UBAC2: variants seen among roughly 807,000 people sequenced by gnomAD.
UBAC2 encodes the protein UBA domain containing 2, also known as ubiquitin-associated domain-containing protein 2.
Under a neutral mutation model 44.0 loss-of-function variants are expected in UBAC2, and 26 were observed. The ratio of observed to expected loss-of-function variants is 0.59; its 90% confidence interval spans 0.43 to 0.82. The LOEUF (loss-of-function observed/expected upper bound fraction) is 0.82. Ranked by LOEUF, UBAC2 falls within the 40% of genes least tolerant of loss-of-function variation. The pLI is 0.00. For synonymous variants in UBAC2, 155 were observed against 154.3 expected (o/e 1.00, Z -0.04); for missense variants, 329 against 419.4 (o/e 0.78, Z 1.88).
chr13:99,375,510 C>T (rs1248579327), intron 8 of UBAC2, among the ~76,000 whole-genome samples: 1 of 152,076 alleles, frequency 6.6e-6, no homozygotes, highest in Non-Finnish European at 1.5e-5. Flanking sequence ...AGTGTGAGCT[C>T]AGGATCGGGT....
intron 8 of UBAC2, among the ~76,000 whole-genome samples, chr13:99,369,707 G>A (rs1056328906): frequency 6.6e-6 from 1 of 152,092 alleles, no homozygotes; most frequent in African/African-American, 2.4e-5. Flanking sequence ...TAATTATAAA[G>A]GAAAACCGTA....
chr13:99,321,282 C>G (rs762469386), intron 6 of UBAC2, among the ~76,000 whole-genome samples: 4 of 152,164 alleles, frequency 2.6e-5, no homozygotes, highest in Non-Finnish European at 4.4e-5. Context: ...TTTTATTTAG[C>G]TAGGTACTGG....
intron 4 of UBAC2, among the ~76,000 whole-genome samples, chr13:99,283,999 C>T (rs2043987501): frequency 6.6e-6 from 1 of 152,168 alleles, no homozygotes; most frequent in African/African-American, 2.4e-5. Flanking sequence ...TCCCAAAGTG[C>T]TGGGATAACA....
intron 4 of UBAC2, among the ~76,000 whole-genome samples, chr13:99,287,399 T>G (rs2044031359): frequency 6.6e-6 from 1 of 152,128 alleles, no homozygotes; most frequent in African/African-American, 2.4e-5. Flanking sequence ...GGGTCTGTTT[T>G]GATAATGTCG....
chr13:99,351,880 C>A (rs1293242860), intron 7 of UBAC2: 6 of 403,274 alleles, frequency 1.5e-5, no homozygotes, highest in Non-Finnish European at 2.5e-5. Flanking sequence ...TGTGTTTTGC[C>A]TGCAAGGAAA....
At chr13:99,352,915 G>A (rs9300539) in intron 7 of UBAC2, among the ~76,000 whole-genome samples, 3 of 152,108 alleles carry the variant, frequency 2.0e-5, no homozygotes, top group Non-Finnish European at 2.9e-5. Flanking sequence ...GGCAGTGCAC[G>A]TGTGTTGCAA....
intron 8 of UBAC2, among the ~76,000 whole-genome samples, chr13:99,372,988 C>T (rs920454987): frequency 1.4e-4 from 22 of 152,020 alleles, no homozygotes; most frequent in East Asian, 7.7e-4. Context: ...GGCATGGTGA[C>T]GGGCGCCTGT....
intron 4 of UBAC2, among the ~76,000 whole-genome samples, chr13:99,280,061 A>G (rs1483905377): frequency 6.6e-6 from 1 of 152,164 alleles, no homozygotes; most frequent in East Asian, 1.9e-4. Context: ...GGTTTGGACT[A>G]TTGCTGTAGC....
chr13:99,340,272 T>A (rs753489347), intron 6 of UBAC2, 48 bp from the exon 7 acceptor site: 21 of 1,596,878 alleles, frequency 1.3e-5, no homozygotes, highest in South Asian at 3.4e-5. Context: ...GTACATTTTT[T>A]AAAATAATAC....
intron 1 of UBAC2, among the ~76,000 whole-genome samples, chr13:99,206,189 G>A (rs138930528): frequency 1.0e-3 from 155 of 152,254 alleles, no homozygotes; most frequent in Non-Finnish European, 1.9e-3. Context: ...AGAGGTACTC[G>A]GGACACTTGG....
At chr13:99,341,107 A>G (rs1473875924) in intron 7 of UBAC2, among the ~76,000 whole-genome samples, 1 of 152,204 alleles carries the variant, frequency 6.6e-6, no homozygotes, top group East Asian at 1.9e-4. Flanking sequence ...GCATCCAAAC[A>G]ATCTGATACT....
At chr13:99,212,738 A>T (rs1295894541) in intron 1 of UBAC2, among the ~76,000 whole-genome samples, 2 of 152,112 alleles carry the variant, frequency 1.3e-5, no homozygotes, top group African/African-American at 2.4e-5. Flanking sequence ...TCTTGTATAA[A>T]TTTTTTTCTC....
At chr13:99,335,970 A>G (rs962045063) in intron 6 of UBAC2, among the ~76,000 whole-genome samples, 5 of 151,996 alleles carry the variant, frequency 3.3e-5, no homozygotes, top group Admixed American at 6.5e-5. Flanking sequence ...GCCTGGCAAC[A>G]TGGCAACACC....
intron 8 of UBAC2, among the ~76,000 whole-genome samples, chr13:99,384,212 T>C (rs1489723218): frequency 1.3e-5 from 2 of 152,220 alleles, no homozygotes; most frequent in African/African-American, 2.4e-5. Context: ...TCTGACTAAG[T>C]CCTCAGGTGA....
At chr13:99,339,718 A>G (rs897763830) in intron 6 of UBAC2, among the ~76,000 whole-genome samples, 1 of 152,134 alleles carries the variant, frequency 6.6e-6, no homozygotes, top group Admixed American at 6.5e-5. Context: ...TTCTGTAACC[A>G]TACATTATAA....
At chr13:99,286,406 G>A (rs1459923199) in intron 4 of UBAC2, among the ~76,000 whole-genome samples, 1 of 152,182 alleles carries the variant, frequency 6.6e-6, no homozygotes, top group African/African-American at 2.4e-5. Context: ...ATCTTTTCAT[G>A]TGGCTTTCTG....
Position 99,234,481 on chromosome 13 carries a change from C to T in UBAC2, c.32-3946C>T, listed in dbSNP as rs186357947. ...CTGGGATTACAGGCGTGAGCCACTGCGCCCTGCCTGTGCTAGCCATTTCTA... is the reference window on the plus strand; with the variant it reads ...CTGGGATTACAGGCGTGAGCCACTGTGCCCTGCCTGTGCTAGCCATTTCTA... On this transcript the variant is annotated intron_variant, in intron 1 of 8. Coordinates refer to ENST00000403766, the MANE Select transcript of UBAC2 (RefSeq NM_001144072.2). The T allele has an allele frequency of 1.2e-4, 19 of 161,930 alleles. No homozygotes were observed. In the East Asian group the frequency reaches 2.1e-3, roughly 18 times the overall value. 10.0% of individuals were successfully genotyped at this position (161,930 alleles called of 1,614,324 possible).
At chr13:99,204,990 G>C (rs981972925) in intron 1 of UBAC2, among the ~76,000 whole-genome samples, 1 of 138,162 alleles carries the variant, frequency 7.2e-6, no homozygotes, top group Non-Finnish European at 1.5e-5. Context: ...TGCAACCTCT[G>C]CCTCCTGGGT....
chr13:99,302,149 A>G (rs2044266094), intron 4 of UBAC2, among the ~76,000 whole-genome samples: 1 of 152,204 alleles, frequency 6.6e-6, no homozygotes, highest in Non-Finnish European at 1.5e-5. Context: ...TCACTTTCAA[A>G]AACAGCCAGG....
Sources: gnomAD v4.1 joint callset for allele counts (sites outside exome capture counted in the v4.1 genomes callset) on GRCh38, gnomAD v4.1.1 for gene constraint, MANE v1.5 for transcripts, NCBI Gene and HGNC (gene_info 2026-07-23, HGNC 2026-07-21) for gene names.